Variants in DPP10 observed in about 807,000 individuals in gnomAD.
DPP10 encodes the protein inactive dipeptidyl peptidase 10.
DPP10 carries 33 observed loss-of-function variants against 120.9 expected under a neutral mutation model. The ratio of observed to expected loss-of-function variants is 0.27; its 90% CI spans 0.21 to 0.37. The LOEUF (loss-of-function observed/expected upper bound fraction) is 0.37. Among genes scored for constraint, DPP10 ranks in the 10% least tolerant of loss-of-function variants. DPP10 has a pLI of 1.00. For synonymous variants in DPP10, 337 were observed against 326.1 expected (o/e 1.03, Z -0.36); for missense variants, 816 against 942.8 (o/e 0.87, Z 1.76).
chr2:114,952,570 A>T (rs970926136), intron 1 of DPP10, among the ~76,000 whole-genome samples: 2 of 150,052 alleles, frequency 1.3e-5, no homozygotes, highest in African/African-American at 2.4e-5. Context: ...TGAAACTTCG[A>T]TCTCTAAAAT....
intron 1 of DPP10, among the ~76,000 whole-genome samples, chr2:114,577,484 T>A (rs1690149170): frequency 6.6e-6 from 1 of 152,188 alleles, no homozygotes; most frequent in Non-Finnish European, 1.5e-5. Context: ...GAGGGGTCCA[T>A]AGAAAGTCAG....
intron 1 of DPP10, among the ~76,000 whole-genome samples, chr2:114,497,330 T>TAC (rs1682719855): frequency 5.7e-5 from 2 of 34,868 alleles, no homozygotes; most frequent in Non-Finnish European, 1.5e-4. Context: ...TATACGTGTA[T>TAC]ACATGTACAT....
chr2:114,972,118 A>G (rs920090950), intron 1 of DPP10, among the ~76,000 whole-genome samples: 2 of 152,206 alleles, frequency 1.3e-5, no homozygotes, highest in African/African-American at 4.8e-5. Flanking sequence ...CTAGTTGCCA[A>G]TCACTCTTTG....
intron 1 of DPP10, among the ~76,000 whole-genome samples, chr2:114,765,836 G>T (rs915525254): frequency 7.9e-5 from 12 of 152,058 alleles, no homozygotes; most frequent in African/African-American, 2.4e-4. Flanking sequence ...ATCTACAAAG[G>T]CTAGGATAGT....
chr2:115,598,544 G>A (rs2083125385), intron 5 of DPP10, among the ~76,000 whole-genome samples: 1 of 151,618 alleles, frequency 6.6e-6, no homozygotes, highest in Admixed American at 6.6e-5. Flanking sequence ...GTAGCATTTT[G>A]TGTAAAATAT....
intron 1 of DPP10, among the ~76,000 whole-genome samples, chr2:115,060,019 C>G (rs1278227427): frequency 6.6e-6 from 1 of 152,030 alleles, no homozygotes; most frequent in Non-Finnish European, 1.5e-5. Flanking sequence ...CAACCCTTAT[C>G]TTCAATGTAA....
At chr2:114,582,373 G>A (rs1690605038) in intron 1 of DPP10, among the ~76,000 whole-genome samples, 1 of 152,136 alleles carries the variant, frequency 6.6e-6, no homozygotes, top group Non-Finnish European at 1.5e-5. Flanking sequence ...CCAAGTTTGG[G>A]AAATTATGAA....
intron 1 of DPP10, among the ~76,000 whole-genome samples, chr2:114,901,659 C>T (rs1173556778): frequency 6.6e-6 from 1 of 152,170 alleles, no homozygotes; most frequent in East Asian, 1.9e-4. Context: ...ACATCACAGA[C>T]ATCTCAATTG....
At chr2:114,456,454 A>C (rs1678590961) in intron 1 of DPP10, among the ~76,000 whole-genome samples, 1 of 152,188 alleles carries the variant, frequency 6.6e-6, no homozygotes, top group South Asian at 2.1e-4. Flanking sequence ...TAAGAATATT[A>C]ACAATAGCAA....
intron 1 of DPP10, among the ~76,000 whole-genome samples, chr2:114,753,924 A>G (rs1679484116): frequency 6.6e-6 from 1 of 151,278 alleles, no homozygotes; most frequent in East Asian, 1.9e-4. Context: ...AAAAAAAAAA[A>G]AAAAAAAAGA....
intron 1 of DPP10, among the ~76,000 whole-genome samples, chr2:114,455,602 T>C (rs1188704855): frequency 1.3e-5 from 2 of 152,112 alleles, no homozygotes; most frequent in Non-Finnish European, 2.9e-5. Context: ...CTTATTTCAT[T>C]GGAGTTTGGC....
intron 3 of DPP10, among the ~76,000 whole-genome samples, chr2:115,407,469 T>C (rs2068602120): frequency 6.6e-6 from 1 of 152,158 alleles, no homozygotes; most frequent in South Asian, 2.1e-4. Flanking sequence ...CAGAGGCCAA[T>C]CTAAGCGTTC....
chr2:115,241,498 A>C (rs2058278264), intron 1 of DPP10, among the ~76,000 whole-genome samples: 1 of 152,200 alleles, frequency 6.6e-6, no homozygotes, highest in African/African-American at 2.4e-5. Flanking sequence ...GTATGCACTT[A>C]TTCACAAAAT....
In DPP10 at chr2:115,088,462, T is replaced by C. The variant is rs1573565082; in HGVS notation, c.61-220777T>C. Among the ~76,000 whole-genome samples the C allele has an allele frequency of 3.9e-5, 6 of 152,102 alleles. No individual in the cohort carries two copies. The South Asian group carries it at 8.3e-4, about 21-fold the overall frequency. ...TTTTTCTTTTATTTTCTCCTTTTTC[T>C]TTGAGAGACGGGGTCTTGCTGGGTC... On this transcript the variant is annotated intron_variant, in intron 1 of 25. Coordinates refer to ENST00000410059, the MANE Select transcript of DPP10 (RefSeq NM_020868.6).
At chr2:115,412,032 G>A (rs531861657) in intron 3 of DPP10, among the ~76,000 whole-genome samples, 2 of 152,248 alleles carry the variant, frequency 1.3e-5, no homozygotes, top group South Asian at 4.2e-4. Flanking sequence ...CACATTTACA[G>A]GAACAACTAC....
At chr2:115,436,504 T>C (rs1179217918) in intron 3 of DPP10, among the ~76,000 whole-genome samples, 1 of 151,816 alleles carries the variant, frequency 6.6e-6, no homozygotes. Flanking sequence ...AGTGTTAGGG[T>C]ATAGGTCTCA....
chr2:114,673,162 T>C (rs1698456065), intron 1 of DPP10, among the ~76,000 whole-genome samples: 1 of 152,222 alleles, frequency 6.6e-6, no homozygotes, highest in Non-Finnish European at 1.5e-5. Flanking sequence ...TGTAAGTTCC[T>C]GTGTCTGTCA....
intron 3 of DPP10, among the ~76,000 whole-genome samples, chr2:115,493,591 T>C (rs895369303): frequency 5.3e-5 from 8 of 150,702 alleles, no homozygotes; most frequent in South Asian, 2.1e-4. Flanking sequence ...AAAGAGCATA[T>C]AGAAAAATTT....
chr2:114,815,237 T>A (rs1685529059), intron 1 of DPP10, among the ~76,000 whole-genome samples: 1 of 152,220 alleles, frequency 6.6e-6, no homozygotes, highest in South Asian at 2.1e-4. Context: ...AATATTCTAT[T>A]TTGGTACCTG....
Sources: gnomAD v4.1 joint callset for allele counts (sites outside exome capture counted in the v4.1 genomes callset) on GRCh38, gnomAD v4.1.1 for gene constraint, MANE v1.5 for transcripts, NCBI Gene and HGNC (gene_info 2026-07-23, HGNC 2026-07-21) for gene names.